TCF20: variants seen among roughly 807,000 people sequenced by gnomAD.
The protein encoded by TCF20 is transcription factor 20, also known as SPRE-binding protein.
A neutral mutation model predicts 148.6 loss-of-function variants in TCF20; 3 were observed. That is an observed-to-expected ratio of 0.02 (90% CI 0.01 to 0.05). The LOEUF is 0.05. Among genes scored for constraint, TCF20 ranks in the 10% least tolerant of loss-of-function variants. TCF20 has a pLI of 1.00. For missense variants in TCF20, 2,350 were observed against 2,429.3 expected, an observed-to-expected ratio of 0.97 and a Z score of 0.69; for synonymous variants, 1,049 against 909.5, an observed-to-expected ratio of 1.15 and a Z score of -2.76.
Position 42,209,520 on chromosome 22 carries a change from C to T in TCF20, c.5655+131G>A, listed in dbSNP as rs1920923816. ...TCTTCCAAATTACCTATTTCATTTT[C>T]TGTCCATCACATGGGCATAGGCACT... On this transcript the variant is annotated intron_variant, in intron 2 of 5. Coordinates refer to ENST00000677622, the MANE Select transcript of TCF20 (RefSeq NM_001378418.1). 4 of 1,067,056 alleles carry T rather than the reference C, an allele frequency of 3.7e-6. No homozygotes were observed. The Admixed American group carries it at 7.6e-5, about 20-fold the overall frequency. 66.1% of individuals were successfully genotyped at this position (1,067,056 alleles called of 1,614,324 possible).
chr22:42,253,209 C>T (rs2147354007), intron 1 of TCF20, among the ~76,000 whole-genome samples: 1 of 152,184 alleles, frequency 6.6e-6, no homozygotes, highest in South Asian at 2.1e-4. Flanking sequence ...CCTTAGAAAC[C>T]TACACCATCT....
intron 2 of TCF20, among the ~76,000 whole-genome samples, chr22:42,209,229 G>A (rs1045180213): frequency 1.3e-4 from 20 of 152,228 alleles, no homozygotes; most frequent in South Asian, 6.2e-4. Context: ...GATGATGCAC[G>A]CCCTTAAATG....
chr22:42,176,168 T>C (rs150670512), intron 3 of TCF20, among the ~76,000 whole-genome samples: 163 of 152,344 alleles, frequency 1.1e-3, no homozygotes, highest in African/African-American at 3.8e-3. Flanking sequence ...TCAGTCCACA[T>C]GTACGTGTGA....
At chr22:42,163,359 G>T (rs1982768199) in intron 5 of TCF20, among the ~76,000 whole-genome samples, 1 of 152,232 alleles carries the variant, frequency 6.6e-6, no homozygotes, top group African/African-American at 2.4e-5. Context: ...TAGCCTTCGT[G>T]TTCCTCAGGT....
At chr22:42,231,634 G>GT (rs1822926819) in intron 1 of TCF20, among the ~76,000 whole-genome samples, 1 of 152,150 alleles carries the variant, frequency 6.6e-6, no homozygotes, top group Non-Finnish European at 1.5e-5. Context: ...AAGTAAAAAA[G>GT]TTACAGTAAT....
chr22:42,298,960 C>G (rs943912439), intron 1 of TCF20, among the ~76,000 whole-genome samples: 1 of 152,234 alleles, frequency 6.6e-6, no homozygotes, highest in Non-Finnish European at 1.5e-5. Flanking sequence ...CCGGGCACCA[C>G]GGCCAGCACA....
In TCF20 at chr22:42,214,835, A is replaced by G. The variant is rs1399637881; in HGVS notation, c.471T>C (p.Thr157=). The change falls in exon 2 of 6, where the codon ACT becomes ACC. Residue 157 remains threonine, a synonymous_variant. Coordinates refer to ENST00000677622, the MANE Select transcript of TCF20 (RefSeq NM_001378418.1). ...GGVSHYQQDY[T]GPFSPGSAQY... ...GAGCACTCCCTGGAGAGAAAGGCCC[A>G]GTGTAATCCTGCTGATAATGTGACA... The G allele has an allele frequency of 6.2e-7, 1 of 1,613,996 alleles. No homozygotes were observed. Among genetic ancestry groups the G allele is most frequent in the African/African-American group, 1.3e-5 (1 of 74,926 alleles).
chr22:42,219,565 TAA>T (rs540878327), intron 1 of TCF20, among the ~76,000 whole-genome samples: 55 of 151,690 alleles, frequency 3.6e-4, no homozygotes, highest in African/African-American at 1.3e-3. Context: ...ATACACACTC[TAA>T]AAAAGAGGCT....
At position 42,213,883 on chromosome 22, in the gene TCF20, G is replaced by A; in HGVS notation, c.1423C>T (p.Leu475Phe). The A allele has an allele frequency of 6.2e-7, 1 of 1,614,192 alleles. No individual in the cohort carries two copies. The highest frequency in any genetic ancestry group is 8.5e-7 in the Non-Finnish European group (1 of 1,180,028). ...TTCTGAGGAGTCAGGGCATCAGAAA[G>A]TAACATGTGCTGGACAGTGTTAGGA... ...NLPNTVQHML[L>F]SDALTPQKKT... Residue 475 changes from leucine (L) to phenylalanine (F), a missense_variant, in exon 2 of 6, where the codon CTT becomes TTT. Physicochemically the swap from Leu to Phe is conservative, Grantham distance 22. This residue lies in a region of TCF20 where 1,641 missense variants were observed against 1,662.6 expected (regional missense o/e 0.99). Transcript: ENST00000677622.
chr22:42,325,113 A>G (rs1453386992), intron 1 of TCF20, among the ~76,000 whole-genome samples: 1 of 152,194 alleles, frequency 6.6e-6, no homozygotes, highest in Non-Finnish European at 1.5e-5. Context: ...CCAACTACAG[A>G]TGCCTCTCCG....
chr22:42,233,784 C>A (rs1923639135), intron 1 of TCF20, among the ~76,000 whole-genome samples: 1 of 152,164 alleles, frequency 6.6e-6, no homozygotes, highest in African/African-American at 2.4e-5. Flanking sequence ...TTTCCATAAT[C>A]CCTACCTGCA....
chr22:42,288,715 C>CAAAAAAAAAAAA (rs60058670), upstream of TCF20, among the ~76,000 whole-genome samples: 8 of 85,270 alleles, frequency 9.4e-5, no homozygotes, highest in African/African-American at 4.4e-4. Flanking sequence ...GACCCTGTAT[C>CAAAAAAAAAAAA]AAAAAAAAAA....
At chr22:42,306,301 C>T (rs1213612216) in intron 1 of TCF20, among the ~76,000 whole-genome samples, 1 of 152,244 alleles carries the variant, frequency 6.6e-6, no homozygotes. Flanking sequence ...AGGAAAGTGG[C>T]GCGAGGGCTG....
chr22:42,343,222 C>T (rs1012678617), intron 1 of TCF20, among the ~76,000 whole-genome samples: 1 of 152,192 alleles, frequency 6.6e-6, no homozygotes, highest in African/African-American at 2.4e-5. Context: ...TTTGCCCACT[C>T]TTAGCCTCCG....
chr22:42,228,531 A>AG (rs1388050069), intron 1 of TCF20, among the ~76,000 whole-genome samples: 29 of 152,230 alleles, frequency 1.9e-4, no homozygotes, highest in African/African-American at 7.0e-4. Context: ...ATCTGAGCTT[A>AG]GGCAGTGACT....
chr22:42,324,100 A>G (rs1458341058), intron 1 of TCF20, among the ~76,000 whole-genome samples: 1 of 8,704 alleles, frequency 1.1e-4, no homozygotes, highest in Admixed American at 1.7e-3. Context: ...GATGGAGGTT[A>G]TGGTGGTGGT....
Position 42,338,669 on chromosome 22 carries a change from A to C in TCF20, c.-37+4810T>G, listed in dbSNP as rs1469968408. On this transcript the variant is annotated intron_variant, in intron 1 of 1. Coordinates refer to the TCF20 transcript ENST00000515426. This position sits in a 1 kb window ranked among gnomAD's most constrained non-coding sequence, Gnocchi z 4.0. ...GACAGCCATGTTGCCAGCTCCTGCG[A>C]CGGAGGCTGCCAGGCGGGACGGGCT... Among the ~76,000 whole-genome samples the C allele has an allele frequency of 6.6e-6, 1 of 152,348 alleles. No homozygotes were observed. The highest frequency in any genetic ancestry group is 1.5e-5 in the Non-Finnish European group (1 of 68,028).
intron 1 of TCF20, among the ~76,000 whole-genome samples, chr22:42,305,631 G>C (rs1482927723): frequency 1.3e-5 from 2 of 152,130 alleles, no homozygotes; most frequent in East Asian, 1.9e-4. Context: ...TCCAGGATGG[G>C]GGACCACTTT....
intron 1 of TCF20, among the ~76,000 whole-genome samples, chr22:42,323,159 C>T (rs1927766232): frequency 6.6e-6 from 1 of 151,768 alleles, no homozygotes; most frequent in African/African-American, 2.4e-5. Flanking sequence ...ACCTCAGCCT[C>T]CCAAAGTGTT....
Sources: gnomAD v4.1 joint callset for allele counts (sites outside exome capture counted in the v4.1 genomes callset) on GRCh38, gnomAD v4.1.1 for gene constraint, gnomAD v4.1.1 regional missense constraint, Gnocchi (gnomAD v3.1) non-coding constraint, MANE v1.5 for transcripts, NCBI Gene and HGNC (gene_info 2026-07-23, HGNC 2026-07-21) for gene names.